Variants in HERC2 observed in about 807,000 individuals in gnomAD.
HERC2 encodes HECT and RLD domain containing E3 ubiquitin protein ligase 2.
Under a neutral mutation model 537.7 loss-of-function variants are expected in HERC2, and 102 were observed. That is an observed-to-expected ratio of 0.19 (90% CI 0.16 to 0.22). The LOEUF is 0.22. HERC2 is among the 10% of genes least tolerant of loss of function. The pLI is 1.00. For synonymous variants in HERC2, 2,224 were observed against 2,466.2 expected (o/e 0.90, Z 2.91); for missense variants, 4,236 against 6,198.2 (o/e 0.68, Z 10.63).
At position 28,135,551 on chromosome 15, in the gene HERC2, C is replaced by A. The variant is rs1283515686; in HGVS notation, c.12157G>T (p.Ala4053Ser). 3 of 1,614,206 alleles carry A rather than the reference C, an allele frequency of 1.9e-6. No homozygotes were observed. The South Asian group carries it at 3.3e-5, about 18-fold the overall frequency. ...AVNSGGKHCL[A>S]LSSEGEVYSW... ...TAAACTTCTCCTTCTGAAGACAGGG[C>A]AAGGCAGTGCTTTCCTCCAGAGTTC... The change falls in exon 79 of 93, where the codon GCC becomes TCC. Residue 4053 changes from alanine to serine, a missense_variant. Transcript: ENST00000261609.
intron 14 of HERC2, among the ~76,000 whole-genome samples, chr15:28,264,394 G>A (rs1014689612): frequency 3.1e-4 from 47 of 152,314 alleles, no homozygotes; most frequent in African/African-American, 1.1e-3. Context: ...AAGCGGCACA[G>A]CAGACCTGAA....
Position 28,125,119 on chromosome 15 carries a change from G to T in HERC2, c.12877C>A (p.Arg4293=). 1 of 1,614,112 alleles carries T rather than the reference G, an allele frequency of 6.2e-7. No homozygotes were observed. Among genetic ancestry groups the T allele is most frequent in the Non-Finnish European group, 8.5e-7 (1 of 1,179,932 alleles). ...TTACCCTGAAGGGCAGCTACCAACCGAGGCCTCTGGATGGCATTGGTGGTT... is the reference window on the plus strand; with the variant it reads ...TTACCCTGAAGGGCAGCTACCAACCTAGGCCTCTGGATGGCATTGGTGGTT... ...DGTTNAIQRP[R]LVAALQGKKV... Residue 4293 remains arginine, a synonymous_variant, in exon 84 of 93, where the codon CGG becomes AGG. Transcript: ENST00000261609.
At chr15:28,311,066 G>C (rs1337481075) in intron 2 of HERC2, among the ~76,000 whole-genome samples, 1 of 92,354 alleles carries the variant, frequency 1.1e-5, no homozygotes, top group Non-Finnish European at 2.0e-5. Context: ...GACAGAGTGG[G>C]ACTGCATCTC....
At chr15:28,173,840 A>G (rs28516938) in intron 65 of HERC2, among the ~76,000 whole-genome samples, 1,936 of 151,490 alleles carry the variant, frequency 0.013, 14 homozygotes, top group Admixed American at 0.021. Flanking sequence ...ACAAAAAGAA[A>G]ACATGCAAAC....
chr15:28,307,864 GATGTGCGGATTT>G (rs1364455681), intron 2 of HERC2, among the ~76,000 whole-genome samples: 36 of 152,288 alleles, frequency 2.4e-4, no homozygotes, highest in African/African-American at 8.7e-4. Flanking sequence ...GTTCACCGTA[GATGTGCGGATTT>G]GTTTCTGGAT....
intron 88 of HERC2, among the ~76,000 whole-genome samples, chr15:28,116,045 C>G (rs1054247326): frequency 2.0e-5 from 3 of 152,208 alleles, no homozygotes; most frequent in Non-Finnish European, 4.4e-5. Context: ...CCGAGGCAGT[C>G]TCCAGTCCTC....
intron 86 of HERC2, among the ~76,000 whole-genome samples, chr15:28,120,815 C>T (rs1476013996): frequency 6.6e-6 from 1 of 152,214 alleles, no homozygotes; most frequent in Non-Finnish European, 1.5e-5. Context: ...GATAGCCCTG[C>T]CTGTACCACA....
Position 28,268,658 on chromosome 15 carries a change from A to T in HERC2, c.1447-42T>A. On this transcript the variant is annotated intron_variant, in intron 11 of 92. Transcript: ENST00000261609. This position sits in a 1 kb window ranked among gnomAD's most constrained non-coding sequence, Gnocchi z 4.7. Reference sequence around the variant, plus strand: ...ACGAAGAAAAGTAGTCATCAGTCCAAGGAAAATGAAACCAGCTCAGCTCTC... The same window carrying T: ...ACGAAGAAAAGTAGTCATCAGTCCATGGAAAATGAAACCAGCTCAGCTCTC... The T allele has an allele frequency of 2.6e-6, 4 of 1,561,768 alleles. No homozygotes were observed. Among genetic ancestry groups the T allele is most frequent in the Non-Finnish European group, 3.5e-6 (4 of 1,145,028 alleles).
chr15:28,241,382 T>TG (rs1377110240), intron 23 of HERC2, among the ~76,000 whole-genome samples: 3 of 150,788 alleles, frequency 2.0e-5, no homozygotes, highest in Non-Finnish European at 4.4e-5. Flanking sequence ...GGTGAGGATG[T>TG]GGAGAAACTG....
chr15:28,278,790 A>G (rs376616288), intron 5 of HERC2, among the ~76,000 whole-genome samples: 1 of 152,290 alleles, frequency 6.6e-6, no homozygotes, highest in African/African-American at 2.4e-5. Flanking sequence ...ATCACAGTCA[A>G]ATAAAGCCAG....
rs1896336428 is a variant in HERC2, at chr15:28,186,635, C to T, written c.8767G>A (p.Val2923Ile). The change falls in exon 56 of 93, where the codon GTT (valine) becomes ATT (isoleucine). Residue 2923 changes from valine (V) to isoleucine (I), a missense_variant. Around this residue, in one of 27 missense-constraint regions of HERC2, gnomAD observed 606 missense variants for 884.5 expected, o/e 0.69. Transcript: ENST00000261609. ...IRAEEEDLAAVPFLASDNEEE... is the reference protein window; with the variant it reads ...IRAEEEDLAAIPFLASDNEEE... ...TCATTATCCGAAGCTAAGAAAGGAA[C>T]TGCAGCCAAATCTTCCTCTTCTGCA... The T allele has an allele frequency of 6.2e-7, 1 of 1,614,162 alleles. No homozygotes were observed. The highest frequency in any genetic ancestry group is 1.1e-5 in the South Asian group (1 of 91,066).
intron 2 of HERC2, chr15:28,316,085 T>C (rs544275892): frequency 1.2e-5 from 4 of 340,734 alleles, no homozygotes; most frequent in East Asian, 6.8e-5. Flanking sequence ...TATCTGGGTG[T>C]GGTGGTGCAC....
chr15:28,263,307 AC>A (rs2075463906), intron 14 of HERC2, 138 bp from the exon 15 acceptor site: 1 of 857,214 alleles, frequency 1.2e-6, no homozygotes, highest in Admixed American at 3.0e-5. Flanking sequence ...AAGGGTGGCT[AC>A]TGAGCAAACG....
chr15:28,232,958 T>C (rs550597016), intron 30 of HERC2, among the ~76,000 whole-genome samples, 188 bp downstream of exon 30: 1 of 152,322 alleles, frequency 6.6e-6, no homozygotes, highest in Non-Finnish European at 1.5e-5. Context: ...AACTGTCTCA[T>C]TGTCTGATTA....
chr15:28,300,954 C>T (rs1433813289), intron 2 of HERC2, among the ~76,000 whole-genome samples: 1 of 148,774 alleles, frequency 6.7e-6, no homozygotes, highest in Non-Finnish European at 1.5e-5. Context: ...TATTTGCTTA[C>T]TCTGTTTTTT....
intron 4 of HERC2, among the ~76,000 whole-genome samples, chr15:28,292,464 C>T (rs749108050): frequency 1.5e-4 from 23 of 152,064 alleles, no homozygotes; most frequent in Admixed American, 2.6e-4. Context: ...TAGTATACCG[C>T]TGCAAGAATA....
chr15:28,298,484 C>A (rs79164713), intron 3 of HERC2: 10,358 of 151,760 alleles, frequency 0.068, 856 homozygotes, highest in East Asian at 0.41. Context: ...ACACCATCCC[C>A]ATTCATTCCA....
At chr15:28,252,830 T>C (rs1212322326) in intron 20 of HERC2, among the ~76,000 whole-genome samples, 1 of 152,232 alleles carries the variant, frequency 6.6e-6, no homozygotes, top group African/African-American at 2.4e-5. Context: ...GCTCTAAAAC[T>C]TCCTGTTTCA....
In HERC2 at chr15:28,176,126, T is replaced by C. The variant is rs553300952; in HGVS notation, c.9686+302A>G. Among the ~76,000 whole-genome samples the C allele has an allele frequency of 6.6e-6, 1 of 152,312 alleles. No individual in the cohort carries two copies. The highest frequency in any genetic ancestry group is 1.9e-4 in the East Asian group (1 of 5,178). On this transcript the variant is annotated intron_variant, in intron 63 of 92. Transcript: ENST00000261609. The surrounding 1 kb of genome is among the most constrained non-coding windows in gnomAD (Gnocchi z 5.0). The stretch of plus-strand genomic sequence containing the variant: ...GGATCAAAGGATTCAGAAGGCTATT[T>C]TGCTCCATTTTATCCTTAGGCTTCA...
Sources: allele counts gnomAD v4.1 joint callset (sites outside exome capture counted in the v4.1 genomes callset), GRCh38; gene constraint gnomAD v4.1.1; regional missense constraint gnomAD v4.1.1; non-coding constraint Gnocchi (gnomAD v3.1); transcripts MANE v1.5; gene names NCBI Gene and HGNC (gene_info 2026-07-23, HGNC 2026-07-21).